SYT16: variants seen among roughly 807,000 people sequenced by gnomAD.
SYT16 encodes synaptotagmin 16, also known as synaptotagmin-16.
A neutral mutation model predicts 61.4 loss-of-function variants in SYT16; 42 were observed. The observed-to-expected ratio is 0.68, with a 90% CI of 0.53 to 0.89. The LOEUF (loss-of-function observed/expected upper bound fraction) is 0.89, where lower values mean the gene tolerates loss of function less well. Among genes scored for constraint, SYT16 ranks in the 40% least tolerant of loss-of-function variants. The pLI, the probability that SYT16 is intolerant of heterozygous loss-of-function variation, is 0.00. For synonymous variants in SYT16, 314 were observed against 302.3 expected, an observed-to-expected ratio of 1.04 and a Z score of -0.40; for missense variants, 804 against 807.3, an observed-to-expected ratio of 1.00 and a Z score of 0.05.
intron 3 of SYT16, among the ~76,000 whole-genome samples, chr14:61,999,411 A>T (rs1240029573): frequency 6.6e-6 from 1 of 151,644 alleles, no homozygotes; most frequent in Non-Finnish European, 1.5e-5. Context: ...ATAGTAGTTA[A>T]TTACTACTTT....
At chr14:61,897,290 G>A (rs745657556) in intron 1 of SYT16, 1 of 152,222 alleles carries the variant, frequency 6.6e-6, no homozygotes, top group South Asian at 2.1e-4. Context: ...CGTGGAAGCA[G>A]CATGAAATGA....
intron 3 of SYT16, among the ~76,000 whole-genome samples, chr14:62,039,096 C>G (rs1327252604): frequency 6.6e-6 from 1 of 152,168 alleles, no homozygotes. Context: ...TTTTAAAATT[C>G]TAAATCCTTT....
chr14:62,052,762 C>G (rs2055367010), intron 3 of SYT16, among the ~76,000 whole-genome samples: 1 of 152,190 alleles, frequency 6.6e-6, no homozygotes, highest in Non-Finnish European at 1.5e-5. Context: ...TTAGTGAGCT[C>G]TCTTTCTGTC....
At chr14:61,852,668 C>A (rs1594760079) in intron 1 of SYT16, among the ~76,000 whole-genome samples, 1 of 151,952 alleles carries the variant, frequency 6.6e-6, no homozygotes, top group Non-Finnish European at 1.5e-5. Context: ...GTATTTTATT[C>A]TTTTTGTGGC....
At chr14:61,992,011 C>T (rs1462622576) in intron 2 of SYT16, among the ~76,000 whole-genome samples, 2 of 152,084 alleles carry the variant, frequency 1.3e-5, no homozygotes, top group Admixed American at 1.3e-4. Context: ...AGAGCCCCTG[C>T]CCTGTGTGGA....
chr14:61,950,659 A>G (rs1383349897), intron 1 of SYT16, among the ~76,000 whole-genome samples: 1 of 152,214 alleles, frequency 6.6e-6, no homozygotes, highest in Non-Finnish European at 1.5e-5. Context: ...TACTTGGTTC[A>G]CAGTCCTATG....
intron 1 of SYT16, among the ~76,000 whole-genome samples, chr14:61,826,938 G>T (rs1367692177): frequency 6.6e-6 from 1 of 151,906 alleles, no homozygotes; most frequent in East Asian, 1.9e-4. Context: ...CAGGGTGGAG[G>T]AGAGAAAGCT....
At chr14:61,983,133 G>A (rs1373269689) in intron 2 of SYT16, among the ~76,000 whole-genome samples, 2 of 152,158 alleles carry the variant, frequency 1.3e-5, no homozygotes, top group Non-Finnish European at 1.5e-5. Context: ...GGGTGTCTAC[G>A]AGTTTATATG....
At chr14:61,878,856 T>C (rs965566791) in intron 1 of SYT16, among the ~76,000 whole-genome samples, 3 of 152,008 alleles carry the variant, frequency 2.0e-5, no homozygotes, top group Non-Finnish European at 4.4e-5. Flanking sequence ...CTGTGGGAGG[T>C]ACAGAATTTC....
At chr14:61,874,181 T>C (rs896422937) in intron 1 of SYT16, among the ~76,000 whole-genome samples, 1 of 152,232 alleles carries the variant, frequency 6.6e-6, no homozygotes, top group Non-Finnish European at 1.5e-5. Context: ...TTGTTCCTAT[T>C]GACAAGGGAC....
chr14:62,088,636 G>T (rs1457548378), intron 7 of SYT16, among the ~76,000 whole-genome samples: 2 of 152,146 alleles, frequency 1.3e-5, no homozygotes, highest in African/African-American at 4.8e-5. Flanking sequence ...AAAAAGTACT[G>T]TAAAATATTA....
At chr14:62,060,019 T>C (rs934526527) in intron 3 of SYT16, among the ~76,000 whole-genome samples, 1 of 152,114 alleles carries the variant, frequency 6.6e-6, no homozygotes, top group Non-Finnish European at 1.5e-5. Context: ...TGATTTAATG[T>C]AGCTATATAA....
At chr14:62,014,584 C>A (rs568874081) in intron 3 of SYT16, among the ~76,000 whole-genome samples, 37 of 152,014 alleles carry the variant, frequency 2.4e-4, no homozygotes, top group Non-Finnish European at 4.1e-4. Context: ...CAGGTGCCCA[C>A]CACCATGCCC....
intron 2 of SYT16, among the ~76,000 whole-genome samples, chr14:61,982,176 G>A (rs1015466261): frequency 9.9e-5 from 15 of 152,052 alleles, no homozygotes; most frequent in African/African-American, 3.6e-4. Context: ...AGAATTCTAG[G>A]CAGCCCTCAG....
intron 2 of SYT16, among the ~76,000 whole-genome samples, chr14:61,989,780 A>T (rs1249401472): frequency 6.6e-6 from 1 of 152,076 alleles, no homozygotes; most frequent in East Asian, 1.9e-4. Context: ...AGCTATTAAT[A>T]TTTCTTTCCT....
chr14:61,943,739 A>G (rs537978522), intron 1 of SYT16, among the ~76,000 whole-genome samples: 1 of 152,318 alleles, frequency 6.6e-6, no homozygotes, highest in African/African-American at 2.4e-5. Context: ...ATCTCAAAAT[A>G]ATAAGAGCTA....
At chr14:61,948,413 TAA>T (rs769475499) in intron 1 of SYT16, among the ~76,000 whole-genome samples, 5 of 131,820 alleles carry the variant, frequency 3.8e-5, no homozygotes, top group East Asian at 2.2e-4. Flanking sequence ...TTTAAAAAAC[TAA>T]AAAAAAAAAA....
At chr14:62,066,824 C>T (rs942850978) in intron 3 of SYT16, among the ~76,000 whole-genome samples, 3 of 152,150 alleles carry the variant, frequency 2.0e-5, no homozygotes, top group Non-Finnish European at 4.4e-5. Context: ...CTGATGTGCT[C>T]CTCGCCCTCA....
intron 7 of SYT16, among the ~76,000 whole-genome samples, chr14:62,085,702 G>A (rs964004346): frequency 7.9e-5 from 12 of 152,166 alleles, no homozygotes; most frequent in Non-Finnish European, 1.8e-4. Context: ...GGGCAAATTA[G>A]TAAGGAATGC....
Sources: allele counts gnomAD v4.1 joint callset (sites outside exome capture counted in the v4.1 genomes callset), GRCh38; gene constraint gnomAD v4.1.1; transcripts MANE v1.5; gene names NCBI Gene and HGNC (gene_info 2026-07-23, HGNC 2026-07-21).